Variants in WWOX observed in about 807,000 individuals in gnomAD.
WWOX encodes the protein WW domain-containing oxidoreductase.
In WWOX, 69 loss-of-function variants were observed where a neutral mutation model predicts 46.2. That is an observed-to-expected ratio of 1.49 (90% CI 1.23 to 1.82). The LOEUF (loss-of-function observed/expected upper bound fraction) is 1.82. Among genes scored for constraint, WWOX ranks in the 40% most tolerant of loss-of-function variants. The pLI, the probability that WWOX is intolerant of heterozygous loss-of-function variation, is 0.00. For missense variants in WWOX, 919 were observed against 542.6 expected, an observed-to-expected ratio of 1.69 and a Z score of -6.89; for synonymous variants, 359 against 202.6, an observed-to-expected ratio of 1.77 and a Z score of -6.56.
At chr16:78,876,828 C>A (rs1324497352) in intron 8 of WWOX, among the ~76,000 whole-genome samples, 1 of 152,164 alleles carries the variant, frequency 6.6e-6, no homozygotes, top group Admixed American at 6.5e-5. Flanking sequence ...ATATTTTCAT[C>A]TTAACAGCTT....
chr16:78,302,013 T>C (rs1253206844), intron 5 of WWOX, among the ~76,000 whole-genome samples: 1 of 151,252 alleles, frequency 6.6e-6, no homozygotes, highest in African/African-American at 2.4e-5. Flanking sequence ...CAGGCTGGAG[T>C]GCGATGGCAC....
chr16:79,042,978 C>G (rs550796384), intron 8 of WWOX, among the ~76,000 whole-genome samples: 1 of 152,090 alleles, frequency 6.6e-6, no homozygotes, highest in Admixed American at 6.6e-5. Context: ...TGACTGTCTG[C>G]TAAGATTCAC....
intron 8 of WWOX, among the ~76,000 whole-genome samples, chr16:78,637,225 C>A (rs533345188): frequency 1.3e-5 from 2 of 152,104 alleles, no homozygotes; most frequent in Non-Finnish European, 2.9e-5. Flanking sequence ...AGTTTGAGAC[C>A]AGCCTGGGCA....
intron 8 of WWOX, among the ~76,000 whole-genome samples, chr16:79,024,147 G>A (rs2047590381): frequency 6.6e-6 from 1 of 152,152 alleles, no homozygotes; most frequent in South Asian, 2.1e-4. Context: ...GTTTCTTTTG[G>A]GGTTGGTTAA....
chr16:78,303,037 C>G lies in WWOX; in HGVS notation c.517-83823C>G, dbSNP rs567983911. The stretch of plus-strand genomic sequence containing the variant: ...GGATTTTCATTTGGGAAGATAGATG[C>G]TCTTATTGGAACAGCTGGTTTTCCC... On this transcript the variant is annotated intron_variant, in intron 5 of 8. Coordinates refer to ENST00000566780, the MANE Select transcript of WWOX (RefSeq NM_016373.4). Among the ~76,000 whole-genome samples, 21 of 152,288 alleles carry G rather than the reference C, an allele frequency of 1.4e-4. No individual in the cohort carries two copies. The South Asian group carries it at 4.4e-3, about 32-fold the overall frequency.
In WWOX at chr16:79,180,204, G is replaced by T. The variant is rs553493486; in HGVS notation, c.1057-31404G>T. On this transcript the variant is annotated intron_variant, in intron 8 of 8. Transcript: ENST00000566780. The stretch of plus-strand genomic sequence containing the variant: ...TAACTTCTAGTTCCAGACAAAGAAG[G>T]AGAGAGAGAGAGATCAGTAATTTAT... 1.2e-4 allele frequency among the ~76,000 whole-genome samples: 19 copies of T among 152,120 alleles called. No individual in the cohort carries two copies. In the East Asian group the frequency reaches 3.3e-3, roughly 26 times the overall value.
Position 78,099,783 on chromosome 16 carries a change from C to A in WWOX, c.5C>A (p.Ala2Glu). Residue 2 changes from alanine to glutamate, a missense_variant, in exon 1 of 9, where the codon GCA (alanine) becomes GAA (glutamate). Coordinates refer to ENST00000566780, the MANE Select transcript of WWOX (RefSeq NM_016373.4). ...CAGGTGCCTCCACAGTCAGCCATGGCAGCGCTGCGCTACGCGGGGCTGGAC... is the reference window on the plus strand; with the variant it reads ...CAGGTGCCTCCACAGTCAGCCATGGAAGCGCTGCGCTACGCGGGGCTGGAC... Reference protein sequence around the residue: MAALRYAGLDDT... With the variant: MEALRYAGLDDT... 1 of 1,552,900 alleles carries A rather than the reference C, an allele frequency of 6.4e-7. No individual in the cohort carries two copies. The highest frequency in any genetic ancestry group is 2.4e-5 in the East Asian group (1 of 40,962).
intron 8 of WWOX, among the ~76,000 whole-genome samples, chr16:78,836,383 C>T (rs541357012): frequency 9.9e-5 from 15 of 152,118 alleles, no homozygotes; most frequent in South Asian, 4.1e-4. Flanking sequence ...TCTGTGATTT[C>T]GGCAGTGGTT....
At chr16:78,545,143 T>G (rs1351322327) in intron 8 of WWOX, among the ~76,000 whole-genome samples, 1 of 152,194 alleles carries the variant, frequency 6.6e-6, no homozygotes, top group Admixed American at 6.5e-5. Flanking sequence ...CTCAGCACTT[T>G]AGGACTGACT....
chr16:78,756,316 GAAAC>G (rs1414501209), intron 8 of WWOX, among the ~76,000 whole-genome samples: 1 of 150,674 alleles, frequency 6.6e-6, no homozygotes, highest in East Asian at 1.9e-4. Flanking sequence ...ATGTGTATTT[GAAAC>G]AAACAAAAAA....
chr16:79,080,706 C>A (rs895412280), intron 8 of WWOX, among the ~76,000 whole-genome samples: 1 of 152,152 alleles, frequency 6.6e-6, no homozygotes, highest in African/African-American at 2.4e-5. Context: ...GTGGCTCATA[C>A]CTGTAATCCC....
In WWOX at chr16:79,056,099, A is replaced by G. The variant is rs562079023; in HGVS notation, c.1057-155509A>G. ...GCTCAGCTTGTAAAAAAAAAGGAAA[A>G]CCACTATCCCCATTAAATTCTCATC... On this transcript the variant is annotated intron_variant, in intron 8 of 8. Coordinates refer to ENST00000566780, the MANE Select transcript of WWOX (RefSeq NM_016373.4). Among the ~76,000 whole-genome samples, 158 of 151,996 alleles carry G rather than the reference A, an allele frequency of 1.0e-3. 2 individuals are homozygous for G. The highest frequency in any genetic ancestry group is 1.6e-3 in the Non-Finnish European group (111 of 67,968).
chr16:78,330,726 G>T (rs1466145248), intron 5 of WWOX, among the ~76,000 whole-genome samples: 1 of 152,168 alleles, frequency 6.6e-6, no homozygotes, highest in African/African-American at 2.4e-5. Context: ...CTATATGTGG[G>T]TGTATTTTTC....
chr16:78,504,159 TAATA>T (rs2085136774), intron 8 of WWOX, among the ~76,000 whole-genome samples: 1 of 152,206 alleles, frequency 6.6e-6, no homozygotes, highest in African/African-American at 2.4e-5. Flanking sequence ...TAGGCATGGT[TAATA>T]AATAACTGAA....
intron 8 of WWOX, among the ~76,000 whole-genome samples, chr16:78,975,990 G>C (rs992253357): frequency 7.2e-5 from 11 of 152,120 alleles, no homozygotes; most frequent in African/African-American, 2.7e-4. Context: ...GGAAACCTTT[G>C]CAAAGTCTTT....
At chr16:78,730,004 T>G (rs1470991654) in intron 8 of WWOX, among the ~76,000 whole-genome samples, 1 of 152,176 alleles carries the variant, frequency 6.6e-6, no homozygotes, top group African/African-American at 2.4e-5. Flanking sequence ...AACATCATCC[T>G]TGTGTTACTT....
intron 8 of WWOX, among the ~76,000 whole-genome samples, chr16:78,541,517 C>CAG (rs2043894983): frequency 7.4e-6 from 1 of 134,314 alleles, no homozygotes; most frequent in South Asian, 2.6e-4. Flanking sequence ...GACACGTACA[C>CAG]AGACAAATGT....
intron 8 of WWOX, among the ~76,000 whole-genome samples, chr16:78,621,062 C>T (rs1345286547): frequency 6.6e-6 from 1 of 152,160 alleles, no homozygotes; most frequent in African/African-American, 2.4e-5. Flanking sequence ...CAGCCTTTAA[C>T]TTCCTTTCTC....
intron 5 of WWOX, among the ~76,000 whole-genome samples, chr16:78,276,285 A>T (rs997608677): frequency 1.3e-5 from 2 of 152,124 alleles, no homozygotes; most frequent in African/African-American, 4.8e-5. Context: ...TGTTTGTCAA[A>T]TGGGGTCATA....
Sources: allele counts gnomAD v4.1 joint callset (sites outside exome capture counted in the v4.1 genomes callset), GRCh38; gene constraint gnomAD v4.1.1; transcripts MANE v1.5; gene names NCBI Gene and HGNC (gene_info 2026-07-23, HGNC 2026-07-21).